The following GLIS1 variants were observed in gnomAD, a reference collection of about 807,000 sequenced individuals.
The protein encoded by GLIS1 is zinc finger protein GLIS1.
Under a neutral mutation model 63.8 loss-of-function variants are expected in GLIS1, and 24 were observed. That is an observed-to-expected ratio of 0.38 (90% confidence interval 0.27 to 0.53). The LOEUF (loss-of-function observed/expected upper bound fraction) is 0.53, where lower values mean the gene tolerates loss of function less well. Ranked by LOEUF, GLIS1 falls within the 20% of genes least tolerant of loss-of-function variation. The pLI, the probability that GLIS1 is intolerant of heterozygous loss-of-function variation, is 0.85. For missense variants in GLIS1, 1,036 were observed against 1,074.1 expected (o/e 0.96, Z 0.50); for synonymous variants, 450 against 482.5 (o/e 0.93, Z 0.88).
At chr1:53,507,648 GCT>G (rs1207688665) in intron 10 of GLIS1, among the ~76,000 whole-genome samples, 4 of 152,236 alleles carry the variant, frequency 2.6e-5, no homozygotes, top group South Asian at 2.1e-4. Flanking sequence ...TGGATTTCAT[GCT>G]CTGTGTGTGA....
intron 2 of GLIS1, among the ~76,000 whole-genome samples, chr1:53,652,936 G>A (rs1278352708): frequency 6.6e-6 from 1 of 152,210 alleles, no homozygotes; most frequent in East Asian, 1.9e-4. Flanking sequence ...TGGGGATGAT[G>A]AGAAAGCAAC....
intron 3 of GLIS1, 24 bp from the exon 4 acceptor site, chr1:53,595,014 T>A (rs116839364): frequency 7.1e-6 from 10 of 1,400,148 alleles, no homozygotes; most frequent in Non-Finnish European, 9.2e-6. Context: ...CCCAGAGAGG[T>A]CATGAGAGGC....
At chr1:53,584,954 C>T (rs907953800) in intron 4 of GLIS1, among the ~76,000 whole-genome samples, 20 of 152,220 alleles carry the variant, frequency 1.3e-4, no homozygotes, top group Non-Finnish European at 2.4e-4. Flanking sequence ...TGGACACCTT[C>T]TTAAAGTCAC....
intron 4 of GLIS1, among the ~76,000 whole-genome samples, chr1:53,576,057 C>T (rs1412503234): frequency 6.6e-6 from 1 of 152,050 alleles, no homozygotes; most frequent in Non-Finnish European, 1.5e-5. Context: ...TTCTCTGCCT[C>T]CTCACCTCAG....
At chr1:53,586,316 A>C (rs1259374546) in intron 4 of GLIS1, among the ~76,000 whole-genome samples, 1 of 152,126 alleles carries the variant, frequency 6.6e-6, no homozygotes, top group Non-Finnish European at 1.5e-5. Context: ...TCTACTGCAG[A>C]CTCTGACTGC....
At chr1:53,699,471 G>A (rs952282862) in intron 2 of GLIS1, among the ~76,000 whole-genome samples, 1 of 152,108 alleles carries the variant, frequency 6.6e-6, no homozygotes, top group Non-Finnish European at 1.5e-5. Context: ...TGATTTCTTT[G>A]GACTTTGGGA....
intron 5 of GLIS1, among the ~76,000 whole-genome samples, chr1:53,529,241 T>C (rs1415766409): frequency 6.6e-6 from 1 of 152,168 alleles, no homozygotes; most frequent in African/African-American, 2.4e-5. Flanking sequence ...TCTGGAGGCC[T>C]GGGTCACCTG....
At chr1:53,654,199 C>T (rs112077804) in intron 2 of GLIS1, among the ~76,000 whole-genome samples, 1 of 152,226 alleles carries the variant, frequency 6.6e-6, no homozygotes, top group East Asian at 1.9e-4. Context: ...TTGAGCACTC[C>T]TCTGTGCCAG....
chr1:53,516,555 G>A (rs1386432963), intron 7 of GLIS1, among the ~76,000 whole-genome samples: 1 of 151,992 alleles, frequency 6.6e-6, no homozygotes, highest in Non-Finnish European at 1.5e-5. Flanking sequence ...AAACAAGCCT[G>A]TAATCCCCGC....
At chr1:53,611,771 T>A (rs1645426644) in intron 2 of GLIS1, among the ~76,000 whole-genome samples, 1 of 152,334 alleles carries the variant, frequency 6.6e-6, no homozygotes, top group African/African-American at 2.4e-5. Flanking sequence ...AACTTCACAT[T>A]TGTCTTCCTA....
intron 2 of GLIS1, among the ~76,000 whole-genome samples, chr1:53,727,933 T>C (rs1040033993): frequency 6.6e-6 from 1 of 152,220 alleles, no homozygotes; most frequent in Non-Finnish European, 1.5e-5. Context: ...CTCACATGTG[T>C]TGAGAGCTTA....
chr1:53,677,299 G>A (rs1177901397), intron 2 of GLIS1, among the ~76,000 whole-genome samples: 8 of 152,208 alleles, frequency 5.3e-5, no homozygotes, highest in African/African-American at 1.9e-4. Flanking sequence ...GGACCAGCAG[G>A]GATGCCCACC....
intron 4 of GLIS1, among the ~76,000 whole-genome samples, chr1:53,561,369 T>C (rs1162979656): frequency 6.6e-6 from 1 of 152,126 alleles, no homozygotes; most frequent in African/African-American, 2.4e-5. Context: ...AGGCGCTGGG[T>C]TTCAGCTAAA....
chr1:53,696,998 C>T (rs1242987210), intron 2 of GLIS1, among the ~76,000 whole-genome samples: 1 of 152,198 alleles, frequency 6.6e-6, no homozygotes, highest in Non-Finnish European at 1.5e-5. Context: ...TTGTGCTTAG[C>T]ATGGTGACCA....
intron 4 of GLIS1, among the ~76,000 whole-genome samples, chr1:53,577,232 T>C (rs1052788994): frequency 2.0e-5 from 3 of 151,754 alleles, no homozygotes; most frequent in East Asian, 3.9e-4. Context: ...TGGGGCCCTC[T>C]GGCTGACACC....
Position 53,639,673 on chromosome 1 carries a change from G to A in GLIS1, c.260-39395C>T, listed in dbSNP as rs1006051502. 1.3e-5 allele frequency among the ~76,000 whole-genome samples: 2 copies of A among 151,940 alleles called. No homozygotes were observed. Among genetic ancestry groups the A allele is most frequent in the Admixed American group, 6.6e-5 (1 of 15,256 alleles). Reference sequence around the variant, plus strand: ...CTTTTTTTTTCCAGCCCGCTATCCTGGGCCGACAGCATACTCAGGTTTACT... The same window carrying A: ...CTTTTTTTTTCCAGCCCGCTATCCTAGGCCGACAGCATACTCAGGTTTACT... On this transcript the variant is annotated intron_variant, in intron 2 of 10. Transcript: ENST00000628545. This position sits in a 1 kb window ranked among gnomAD's most constrained non-coding sequence, Gnocchi z 4.6.
At chr1:53,643,421 C>T (rs549505676) in intron 2 of GLIS1, among the ~76,000 whole-genome samples, 4 of 152,272 alleles carry the variant, frequency 2.6e-5, no homozygotes, top group African/African-American at 4.8e-5. Flanking sequence ...GAGTGAGCCA[C>T]GGGCTGAGAG....
intron 2 of GLIS1, among the ~76,000 whole-genome samples, chr1:53,644,089 T>C (rs1381832507): frequency 6.6e-6 from 1 of 152,204 alleles, no homozygotes; most frequent in African/African-American, 2.4e-5. Flanking sequence ...TCAACTCTCA[T>C]ATTCTGGAAG....
intron 2 of GLIS1, among the ~76,000 whole-genome samples, chr1:53,724,150 C>G (rs1205017552): frequency 1.3e-5 from 2 of 152,232 alleles, no homozygotes; most frequent in Non-Finnish European, 2.9e-5. Context: ...CCCATCTCAA[C>G]ACTTCTATGG....
Sources: gnomAD v4.1 joint callset for allele counts (sites outside exome capture counted in the v4.1 genomes callset) on GRCh38, gnomAD v4.1.1 for gene constraint, Gnocchi (gnomAD v3.1) non-coding constraint, MANE v1.5 for transcripts, NCBI Gene and HGNC (gene_info 2026-07-23, HGNC 2026-07-21) for gene names.